FBXO32: variants seen among roughly 807,000 people sequenced by gnomAD.
FBXO32 encodes F-box only protein 32.
Under a neutral mutation model 48.3 loss-of-function variants are expected in FBXO32, and 15 were observed. The ratio of observed to expected loss-of-function variants is 0.31; its 90% CI spans 0.21 to 0.48. The LOEUF (loss-of-function observed/expected upper bound fraction) is 0.48, where lower values mean the gene tolerates loss of function less well. Among genes scored for constraint, FBXO32 ranks in the 20% least tolerant of loss-of-function variants. The probability of loss-of-function intolerance (pLI) is 0.99; values close to 1 mark genes in which losing one functional copy is unlikely to be tolerated. For synonymous variants in FBXO32, 154 were observed against 165.9 expected, an observed-to-expected ratio of 0.93 and a Z score of 0.55; for missense variants, 309 against 432.7, an observed-to-expected ratio of 0.71 and a Z score of 2.54.
chr8:123,513,401 A>C lies in FBXO32; in HGVS notation c.467-19T>G. On this transcript the variant is annotated intron_variant, in intron 5 of 8. Transcript: ENST00000517956. This position sits in a 1 kb window ranked among gnomAD's most constrained non-coding sequence, Gnocchi z 4.3. The stretch of plus-strand genomic sequence containing the variant: ...TCAAGGACTTGAGTAGGGAAGAAAA[A>C]AATAATTAAAGTTATGATACTGGAA... 1 of 1,603,556 alleles carries C rather than the reference A, an allele frequency of 6.2e-7. No individual in the cohort carries two copies. Among genetic ancestry groups the C allele is most frequent in the Non-Finnish European group, 8.5e-7 (1 of 1,171,816 alleles).
intron 4 of FBXO32, among the ~76,000 whole-genome samples, chr8:123,527,512 A>G (rs1373819921): frequency 1.3e-5 from 2 of 152,152 alleles, no homozygotes; most frequent in African/African-American, 2.4e-5. Context: ...TCTGTCACTG[A>G]GCCTCACTGG....
At chr8:123,511,365 G>A (rs538846551) in intron 6 of FBXO32, among the ~76,000 whole-genome samples, 11 of 152,292 alleles carry the variant, frequency 7.2e-5, no homozygotes, top group Non-Finnish European at 1.6e-4. Context: ...TTCTGAGCAT[G>A]TGAGCCTATG....
intron 4 of FBXO32, among the ~76,000 whole-genome samples, chr8:123,530,533 A>G (rs917169290): frequency 3.3e-5 from 5 of 152,226 alleles, no homozygotes; most frequent in Non-Finnish European, 7.3e-5. Flanking sequence ...GGAGAACAAA[A>G]TAATAAACCA....
At position 123,524,043 on chromosome 8, in the gene FBXO32, T is replaced by C. The variant is rs73330084; in HGVS notation, c.372+7855A>G. 8.8e-3 allele frequency among the ~76,000 whole-genome samples: 1,334 copies of C among 152,352 alleles called. 22 individuals are homozygous for C. Among genetic ancestry groups the C allele is most frequent in the African/African-American group, 0.031 (1,274 of 41,574 alleles). On this transcript the variant is annotated intron_variant, in intron 4 of 8. Transcript: ENST00000517956. ...TATGAGTTATAAGTGAATTTATGAA[T>C]ATGCATAAATTGAGAGTGCATGCTT...
intron 7 of FBXO32, among the ~76,000 whole-genome samples, chr8:123,505,011 C>T (rs192597311): frequency 6.6e-6 from 1 of 152,316 alleles, no homozygotes; most frequent in Admixed American, 6.5e-5. Context: ...GTGACCTTTA[C>T]TCAACTGTGG....
At position 123,539,074 on chromosome 8, in the gene FBXO32, T is replaced by C. The variant is rs75618985; in HGVS notation, c.116+1825A>G. On this transcript the variant is annotated intron_variant, in intron 1 of 8. Coordinates refer to ENST00000517956, the MANE Select transcript of FBXO32 (RefSeq NM_058229.4). ...AGGCTGGAGCGCAGTGGCACAGTCATGACTCGCTGCAGCCTTGAACTTCTG... is the reference window on the plus strand; with the variant it reads ...AGGCTGGAGCGCAGTGGCACAGTCACGACTCGCTGCAGCCTTGAACTTCTG... Among the ~76,000 whole-genome samples, 1,019 of 152,300 alleles carry C rather than the reference T, an allele frequency of 6.7e-3. 12 individuals carry two copies. The highest frequency in any genetic ancestry group is 0.023 in the African/African-American group (962 of 41,562).
intron 7 of FBXO32, among the ~76,000 whole-genome samples, chr8:123,505,373 T>C (rs1816593658): frequency 1.3e-5 from 2 of 152,202 alleles, no homozygotes; most frequent in Non-Finnish European, 2.9e-5. Context: ...CCTTCATCTG[T>C]TTAAAGTGGG....
intron 4 of FBXO32, among the ~76,000 whole-genome samples, chr8:123,529,621 A>T (rs966830933): frequency 6.6e-6 from 1 of 152,216 alleles, no homozygotes; most frequent in Non-Finnish European, 1.5e-5. Context: ...AACTCATGGT[A>T]GCAGTTAAAA....
At chr8:123,528,532 C>T (rs939322005) in intron 4 of FBXO32, among the ~76,000 whole-genome samples, 1 of 152,176 alleles carries the variant, frequency 6.6e-6, no homozygotes, top group African/African-American at 2.4e-5. Context: ...ATAGCTAGAA[C>T]TGTCTTTATG....
intron 4 of FBXO32, among the ~76,000 whole-genome samples, chr8:123,531,001 TG>T: frequency 1.8e-5 from 2 of 113,762 alleles, no homozygotes; most frequent in Non-Finnish European, 3.5e-5. Context: ...TTTTTTTACA[TG>T]GAGTCTCACT....
rs780753802 is a variant in FBXO32 at position 123,540,976 on chromosome 8, C to T, written c.39G>A (p.Gln13=). The T allele has an allele frequency of 3.7e-6, 6 of 1,613,184 alleles. No individual in the cohort carries two copies. The highest frequency in any genetic ancestry group is 1.3e-5 in the African/African-American group (1 of 75,030). The change falls in exon 1 of 9, where the codon CAG becomes CAA. Residue 13 remains glutamine (Q), a synonymous_variant. Coordinates refer to ENST00000517956, the MANE Select transcript of FBXO32 (RefSeq NM_058229.4). The surrounding 1 kb of genome is among the most constrained non-coding windows in gnomAD (Gnocchi z 6.4). ...FLGQDWRSPG[Q]NWVKTADGWK... Reference sequence around the variant, plus strand: ...AGCCGTCGGCCGTCTTCACCCAGTTCTGCCCGGGGGACCGCCAGTCCTGCC... The same window carrying T: ...AGCCGTCGGCCGTCTTCACCCAGTTTTGCCCGGGGGACCGCCAGTCCTGCC...
At chr8:123,512,571 C>T (rs1364360490) in intron 6 of FBXO32, among the ~76,000 whole-genome samples, 2 of 147,486 alleles carry the variant, frequency 1.4e-5, no homozygotes, top group African/African-American at 5.0e-5. Flanking sequence ...TCCTCCTGCT[C>T]ACTATTAGGA....
In FBXO32 at chr8:123,500,541, C is replaced by T. The variant is rs1319773062; in HGVS notation, c.*2832G>A. On this transcript the variant is annotated 3_prime_UTR_variant, in exon 9 of 9. Coordinates refer to ENST00000517956, the MANE Select transcript of FBXO32 (RefSeq NM_058229.4). The stretch of plus-strand genomic sequence containing the variant: ...GGTCAGGTTGTCTGGGATGGTTTGC[C>T]AATAGAAATTCTATAGACTATTATT... The T allele has an allele frequency of 1.3e-5, 2 of 152,148 alleles. No homozygotes were observed. Among genetic ancestry groups the T allele is most frequent in the Admixed American group, 6.5e-5 (1 of 15,280 alleles). 9.4% of individuals were successfully genotyped at this position (152,148 alleles called of 1,614,324 possible).
rs774472948 is a variant in FBXO32 at position 123,529,225 on chromosome 8, C to T, written c.372+2673G>A. On this transcript the variant is annotated intron_variant, in intron 4 of 8. Transcript: ENST00000517956. ...TTCTCTAAGATTATTTAAAGCAAAG[C>T]GCTCATGATGTATTTTACAATTAGA... 1.2e-4 allele frequency among the ~76,000 whole-genome samples: 18 copies of T among 152,122 alleles called. 1 individual carries two copies. Among genetic ancestry groups the T allele is most frequent in the South Asian group, 8.3e-4 (4 of 4,820 alleles).
At chr8:123,520,561 GCAATA>G (rs1194759653) in intron 4 of FBXO32, among the ~76,000 whole-genome samples, 2 of 152,162 alleles carry the variant, frequency 1.3e-5, no homozygotes, top group African/African-American at 4.8e-5. Context: ...CTAGTTGCAA[GCAATA>G]TCGTATAGCA....
At position 123,503,320 on chromosome 8, in the gene FBXO32, C is replaced by T. The variant is rs181727480; in HGVS notation, c.*53G>A. ...ATGAAGTGTCCAAATGCCATATTCC[C>T]AGCTCTCCAGTCAGCAGGGGGACCC... is the stretch of plus-strand genomic sequence containing the variant. On this transcript the variant is annotated 3_prime_UTR_variant, in exon 9 of 9. Coordinates refer to ENST00000517956, the MANE Select transcript of FBXO32 (RefSeq NM_058229.4). The T allele has an allele frequency of 1.8e-3, 2,640 of 1,452,240 alleles. 5 individuals are homozygous for T. The highest frequency in any genetic ancestry group is 2.4e-3 in the Non-Finnish European group (2,478 of 1,034,760). 90.0% of individuals were successfully genotyped at this position (1,452,240 alleles called of 1,614,324 possible).
In FBXO32 at chr8:123,507,053, C is replaced by A. The variant is rs1330964921; in HGVS notation, c.652-479G>T. 7.2e-5 allele frequency among the ~76,000 whole-genome samples: 11 copies of A among 152,252 alleles called. No homozygotes were observed. The South Asian group carries it at 2.1e-3, about 29-fold the overall frequency. On this transcript the variant is annotated intron_variant, in intron 6 of 8. Coordinates refer to ENST00000517956, the MANE Select transcript of FBXO32 (RefSeq NM_058229.4). ...AGCCTGACCTCAATGCCTTCGCCTCCCCAGTCTTCTCTGCCCGGCCACGTG... is the reference window on the plus strand; with the variant it reads ...AGCCTGACCTCAATGCCTTCGCCTCACCAGTCTTCTCTGCCCGGCCACGTG...
At chr8:123,514,114 G>A in intron 5 of FBXO32, 126 bp downstream of exon 5, 1 of 664,960 alleles carries the variant, frequency 1.5e-6, no homozygotes, top group South Asian at 2.1e-5. Context: ...CTAAAATGTA[G>A]CTGGAGTTAT....
At position 123,519,044 on chromosome 8, in the gene FBXO32, C is replaced by T. The variant is rs184212560; in HGVS notation, c.373-4711G>A. 2.3e-4 allele frequency among the ~76,000 whole-genome samples: 35 copies of T among 152,184 alleles called. 1 individual carries two copies. In the East Asian group the frequency reaches 6.0e-3, roughly 26 times the overall value. ...TCTTCCTAGTTACCCAGGCTGGCCTCGAACTTGTGGGATCAAGCGATCCTC... is the reference window on the plus strand; with the variant it reads ...TCTTCCTAGTTACCCAGGCTGGCCTTGAACTTGTGGGATCAAGCGATCCTC... On this transcript the variant is annotated intron_variant, in intron 4 of 8. Transcript: ENST00000517956.
Sources: gnomAD v4.1 joint callset for allele counts (sites outside exome capture counted in the v4.1 genomes callset) on GRCh38, gnomAD v4.1.1 for gene constraint, Gnocchi (gnomAD v3.1) non-coding constraint, MANE v1.5 for transcripts, NCBI Gene and HGNC (gene_info 2026-07-23, HGNC 2026-07-21) for gene names.